Variants in EPHA5 observed in about 807,000 individuals in gnomAD.
The protein encoded by EPHA5 is EPH receptor A5.
A neutral mutation model predicts 105.0 loss-of-function variants in EPHA5; 60 were observed. The ratio of observed to expected loss-of-function variants is 0.57; its 90% confidence interval spans 0.46 to 0.71. The LOEUF (loss-of-function observed/expected upper bound fraction) is 0.71, where lower values mean the gene tolerates loss of function less well. EPHA5 is among the 30% of genes least tolerant of loss of function. EPHA5 has a pLI of 0.00. For synonymous variants in EPHA5, 513 were observed against 449.1 expected (o/e 1.14, Z -1.80); for missense variants, 1,218 against 1,274.7 (o/e 0.96, Z 0.68).
chr4:65,519,576 G>A (rs1734467339), intron 3 of EPHA5, among the ~76,000 whole-genome samples: 1 of 151,990 alleles, frequency 6.6e-6, no homozygotes, highest in African/African-American at 2.4e-5. Flanking sequence ...TAGGAAAGAG[G>A]AAGTCAAATT....
chr4:65,666,522 T>A (rs1242014812), intron 1 of EPHA5, among the ~76,000 whole-genome samples: 3 of 152,202 alleles, frequency 2.0e-5, no homozygotes, highest in Non-Finnish European at 2.9e-5. Context: ...ACTTACTAAA[T>A]TTATTTAAAT....
chr4:65,372,455 A>G (rs1004571586), intron 8 of EPHA5, among the ~76,000 whole-genome samples: 3 of 151,856 alleles, frequency 2.0e-5, no homozygotes, highest in Non-Finnish European at 4.4e-5. Context: ...TTGCTAGCAA[A>G]ACTGTGTGAG....
At chr4:65,622,787 GA>G (rs1159708053) in intron 2 of EPHA5, among the ~76,000 whole-genome samples, 3 of 150,124 alleles carry the variant, frequency 2.0e-5, no homozygotes, top group Non-Finnish European at 4.5e-5. Flanking sequence ...TTTACCTGTG[GA>G]AAAAAAAAGA....
At chr4:65,461,265 GTGATT>G in intron 5 of EPHA5, among the ~76,000 whole-genome samples, 1 of 151,984 alleles carries the variant, frequency 6.6e-6, no homozygotes, top group East Asian at 1.9e-4. Flanking sequence ...GTCACTATCT[GTGATT>G]TAATATTATG....
chr4:65,545,395 C>T (rs892915156), intron 3 of EPHA5, among the ~76,000 whole-genome samples: 6 of 151,908 alleles, frequency 3.9e-5, no homozygotes, highest in East Asian at 1.9e-4. Context: ...CTATGAAGAT[C>T]GTATGTTGAT....
intron 5 of EPHA5, among the ~76,000 whole-genome samples, chr4:65,463,753 T>A (rs1293972839): frequency 6.6e-6 from 1 of 152,128 alleles, no homozygotes; most frequent in African/African-American, 2.4e-5. Context: ...AGTTATTTTT[T>A]TGCACAATAT....
intron 2 of EPHA5, among the ~76,000 whole-genome samples, chr4:65,616,267 A>G (rs1745228193): frequency 1.3e-5 from 2 of 151,946 alleles, no homozygotes; most frequent in South Asian, 4.1e-4. Flanking sequence ...GTAGTTACCA[A>G]AAGTTAGATC....
intron 1 of EPHA5, among the ~76,000 whole-genome samples, chr4:65,650,715 C>A (rs974902159): frequency 6.6e-6 from 1 of 152,036 alleles, no homozygotes; most frequent in Admixed American, 6.6e-5. Context: ...TGTTTCATTC[C>A]ACAGTATAAC....
chr4:65,579,990 G>T (rs1201189244), intron 3 of EPHA5, among the ~76,000 whole-genome samples: 1 of 151,880 alleles, frequency 6.6e-6, no homozygotes. Context: ...TTGAGAAAAT[G>T]TCCTAAAGAA....
At chr4:65,518,708 G>A (rs1160045739) in intron 3 of EPHA5, among the ~76,000 whole-genome samples, 1 of 151,974 alleles carries the variant, frequency 6.6e-6, no homozygotes, top group Non-Finnish European at 1.5e-5. Context: ...CTTCTGAAGA[G>A]GGGATACATT....
At position 65,613,462 on chromosome 4, in the gene EPHA5, G is replaced by C. The variant is rs373235326; in HGVS notation, c.247-11158C>G. Among the ~76,000 whole-genome samples, 7 of 152,032 alleles carry C rather than the reference G, an allele frequency of 4.6e-5. No individual in the cohort carries two copies. The East Asian group carries it at 1.4e-3, about 29-fold the overall frequency. On this transcript the variant is annotated intron_variant, in intron 2 of 16. Transcript: ENST00000613740. ...TGCATTGAATCTGCAGATTGCTTTGGGCAGTATGGTCATTTTAACTGTATT... is the reference window on the plus strand; with the variant it reads ...TGCATTGAATCTGCAGATTGCTTTGCGCAGTATGGTCATTTTAACTGTATT...
chr4:65,381,451 C>A (rs1307367126), intron 8 of EPHA5, among the ~76,000 whole-genome samples: 1 of 151,382 alleles, frequency 6.6e-6, no homozygotes, highest in Non-Finnish European at 1.5e-5. Context: ...AAAAGTTGTA[C>A]TTTATAATTT....
At chr4:65,381,180 T>C (rs1719524825) in intron 8 of EPHA5, among the ~76,000 whole-genome samples, 2 of 151,778 alleles carry the variant, frequency 1.3e-5, no homozygotes, top group South Asian at 2.1e-4. Flanking sequence ...ATTTGTAATA[T>C]ACATAAGGCT....
chr4:65,596,015 G>C (rs1743143111), intron 3 of EPHA5, among the ~76,000 whole-genome samples: 2 of 152,150 alleles, frequency 1.3e-5, no homozygotes, highest in Admixed American at 1.3e-4. Flanking sequence ...GAATTCATGT[G>C]GTTAAACTAC....
chr4:65,443,493 T>C (rs1726210117), intron 5 of EPHA5, among the ~76,000 whole-genome samples: 1 of 152,028 alleles, frequency 6.6e-6, no homozygotes, highest in African/African-American at 2.4e-5. Flanking sequence ...GCAGCTATCA[T>C]TTCCAGGTTG....
intron 8 of EPHA5, among the ~76,000 whole-genome samples, chr4:65,377,919 G>A (rs1394138649): frequency 2.6e-5 from 4 of 151,894 alleles, no homozygotes; most frequent in African/African-American, 9.7e-5. Context: ...GATCTCAACA[G>A]AACTATAATG....
chr4:65,544,960 C>T (rs1005092368), intron 3 of EPHA5, among the ~76,000 whole-genome samples: 3 of 150,598 alleles, frequency 2.0e-5, no homozygotes, highest in Non-Finnish European at 4.5e-5. Context: ...AAAAGCCATT[C>T]CAATTTTTTT....
chr4:65,332,192 A>G (rs910444715), intron 15 of EPHA5, 64 bp from the exon 16 acceptor site: 4 of 1,340,422 alleles, frequency 3.0e-6, no homozygotes, highest in African/African-American at 1.5e-5. Flanking sequence ...AAAGTTTACT[A>G]TAATGTTAAC....
At chr4:65,491,450 T>C (rs918856283) in intron 4 of EPHA5, among the ~76,000 whole-genome samples, 1 of 152,024 alleles carries the variant, frequency 6.6e-6, no homozygotes, top group Non-Finnish European at 1.5e-5. Context: ...AATAAAAGCG[T>C]TCAGATTTTG....
Sources: allele counts gnomAD v4.1 joint callset (sites outside exome capture counted in the v4.1 genomes callset), GRCh38; gene constraint gnomAD v4.1.1; transcripts MANE v1.5; gene names NCBI Gene and HGNC (gene_info 2026-07-23, HGNC 2026-07-21).